The following BNC2 variants were observed in gnomAD, a reference collection of about 807,000 sequenced individuals.
BNC2 encodes the protein zinc finger protein basonuclin-2.
Under a neutral mutation model 76.3 loss-of-function variants are expected in BNC2, and 20 were observed. The ratio of observed to expected loss-of-function variants is 0.26; its 90% confidence interval spans 0.18 to 0.38. The LOEUF (loss-of-function observed/expected upper bound fraction) is 0.38. Ranked by LOEUF, BNC2 falls within the 10% of genes least tolerant of loss-of-function variation. The pLI is 1.00. For missense variants in BNC2, 1,382 were observed against 1,399.8 expected, an observed-to-expected ratio of 0.99 and a Z score of 0.20; for synonymous variants, 582 against 514.8, an observed-to-expected ratio of 1.13 and a Z score of -1.77.
intron 3 of BNC2, among the ~76,000 whole-genome samples, chr9:16,642,355 T>A (rs778212501): frequency 6.6e-6 from 1 of 152,188 alleles, no homozygotes; most frequent in Non-Finnish European, 1.5e-5. Flanking sequence ...CTAAGAAACA[T>A]CTCCAAAGTT....
intron 3 of BNC2, among the ~76,000 whole-genome samples, chr9:16,714,095 A>G (rs1355815401): frequency 6.6e-6 from 1 of 152,126 alleles, no homozygotes; most frequent in Non-Finnish European, 1.5e-5. Flanking sequence ...CAACCACCAA[A>G]ATGATACTAA....
intron 3 of BNC2, among the ~76,000 whole-genome samples, chr9:16,633,604 C>A (rs927527347): frequency 6.6e-6 from 1 of 152,154 alleles, no homozygotes. Context: ...TAAAACCATT[C>A]AAAAGTTTTT....
At chr9:16,435,453 C>T (rs2130843065) in intron 6 of BNC2, 102 bp downstream of exon 6, 2 of 1,414,840 alleles carry the variant, frequency 1.4e-6, no homozygotes, top group Non-Finnish European at 2.0e-6. Flanking sequence ...TTACAGTGCA[C>T]CAAAAACATC....
At chr9:16,606,855 GC>G (rs1820401147) in intron 3 of BNC2, among the ~76,000 whole-genome samples, 1 of 152,198 alleles carries the variant, frequency 6.6e-6, no homozygotes, top group Non-Finnish European at 1.5e-5. Context: ...ACCACGCCTG[GC>G]CGGCGATCTG....
In BNC2 at chr9:16,710,809, TAA is replaced by T. The variant is rs1304688491; in HGVS notation, c.330+16986_330+16987del. On this transcript the variant is annotated intron_variant, in intron 3 of 6. Transcript: ENST00000380672. ...ACATTTGTGACTTGTCAGTGACATA[TAA>T]TACCCAGGTCCTTCATGCAATCAAC... Among the ~76,000 whole-genome samples, 3 of 152,046 alleles carry T rather than the reference TAA, an allele frequency of 2.0e-5. No individual in the cohort carries two copies. The East Asian group carries it at 5.8e-4, about 30-fold the overall frequency.
intron 5 of BNC2, among the ~76,000 whole-genome samples, chr9:16,538,966 A>C (rs1239542815): frequency 1.3e-5 from 2 of 152,182 alleles, no homozygotes; most frequent in Non-Finnish European, 2.9e-5. Context: ...ATTTAGCCTG[A>C]GTCACCAACT....
rs140736960 is a variant in BNC2 at position 16,617,251 on chromosome 9, T to C, written c.331-34166A>G. ...CAAACAAAAAAACCTACTTTTGAACTAAACTTGATTATCAGATATATCTTC... is the reference window on the plus strand; with the variant it reads ...CAAACAAAAAAACCTACTTTTGAACCAAACTTGATTATCAGATATATCTTC... On this transcript the variant is annotated intron_variant, in intron 3 of 6. Coordinates refer to ENST00000380672, the MANE Select transcript of BNC2 (RefSeq NM_017637.6). Among the ~76,000 whole-genome samples the C allele has an allele frequency of 2.0e-3, 298 of 152,304 alleles. 1 individual carries two copies. Among genetic ancestry groups the C allele is most frequent in the Middle Eastern group, 6.8e-3 (2 of 294 alleles).
At chr9:16,552,498 G>A (rs745947863) in intron 5 of BNC2, 32 bp downstream of exon 5, 98 of 1,597,070 alleles carry the variant, frequency 6.1e-5, no homozygotes, top group Middle Eastern at 1.7e-4. Flanking sequence ...AGTCGGCCCC[G>A]GACACGGGCG....
chr9:16,511,340 G>A (rs138959600), intron 5 of BNC2, among the ~76,000 whole-genome samples: 154 of 149,756 alleles, frequency 1.0e-3, no homozygotes, highest in African/African-American at 3.5e-3. Flanking sequence ...TGAACTTCTG[G>A]ACTCAAGGGA....
intron 6 of BNC2, among the ~76,000 whole-genome samples, chr9:16,420,478 A>G (rs1820687323): frequency 6.6e-6 from 1 of 152,048 alleles, no homozygotes; most frequent in South Asian, 2.1e-4. Context: ...AATAAAACCC[A>G]CCCACCTTTT....
At chr9:16,617,507 AATTTTACGTACAG>A in intron 3 of BNC2, among the ~76,000 whole-genome samples, 1 of 146,240 alleles carries the variant, frequency 6.8e-6, no homozygotes, top group East Asian at 2.1e-4. Flanking sequence ...AGCTCCTCCA[AATTTTACGTACAG>A]ATGGAGGAAA....
At chr9:16,451,652 T>G (rs1821342474) in intron 5 of BNC2, among the ~76,000 whole-genome samples, 1 of 152,144 alleles carries the variant, frequency 6.6e-6, no homozygotes, top group African/African-American at 2.4e-5. Context: ...TATGCCCATT[T>G]TCATACTTCA....
chr9:16,803,582 TG>T (rs1234566023), intron 1 of BNC2, among the ~76,000 whole-genome samples: 1 of 152,216 alleles, frequency 6.6e-6, no homozygotes, highest in African/African-American at 2.4e-5. Flanking sequence ...ATAATCTGGC[TG>T]GGCCCCACTG....
At chr9:16,826,601 CTT>C (rs1818458696) in intron 1 of BNC2, among the ~76,000 whole-genome samples, 1 of 152,084 alleles carries the variant, frequency 6.6e-6, no homozygotes, top group Admixed American at 6.6e-5. Context: ...CTTTTGGACT[CTT>C]TTACTTTTTA....
At chr9:16,723,801 C>T (rs931582781) in intron 3 of BNC2, among the ~76,000 whole-genome samples, 1 of 152,040 alleles carries the variant, frequency 6.6e-6, no homozygotes, top group African/African-American at 2.4e-5. Context: ...GTTTGCCCCT[C>T]ACCTATCTAA....
chr9:16,774,206 G>A (rs1372380260), intron 1 of BNC2, among the ~76,000 whole-genome samples: 4 of 152,022 alleles, frequency 2.6e-5, no homozygotes, highest in African/African-American at 9.7e-5. Context: ...GGTCTCGAAC[G>A]CCTGACCTCG....
chr9:16,698,267 G>C (rs1823398046), intron 3 of BNC2, among the ~76,000 whole-genome samples: 1 of 151,666 alleles, frequency 6.6e-6, no homozygotes, highest in Non-Finnish European at 1.5e-5. Context: ...TCACCTTTAG[G>C]AAATAAGCAT....
intron 1 of BNC2, among the ~76,000 whole-genome samples, chr9:16,868,337 A>T (rs1752152528): frequency 6.6e-6 from 1 of 152,072 alleles, no homozygotes; most frequent in Non-Finnish European, 1.5e-5. Flanking sequence ...AAACTGTAAC[A>T]CTTACATTTT....
At chr9:16,460,784 T>C (rs1233065866) in intron 5 of BNC2, among the ~76,000 whole-genome samples, 1 of 152,032 alleles carries the variant, frequency 6.6e-6, no homozygotes, top group Non-Finnish European at 1.5e-5. Flanking sequence ...ATCCCTGATT[T>C]TTAGCGTTAT....
Sources: gnomAD v4.1 joint callset for allele counts (sites outside exome capture counted in the v4.1 genomes callset) on GRCh38, gnomAD v4.1.1 for gene constraint, MANE v1.5 for transcripts, NCBI Gene and HGNC (gene_info 2026-07-23, HGNC 2026-07-21) for gene names.